The following UBE2H variants were observed in gnomAD, a reference collection of about 807,000 sequenced individuals.
UBE2H encodes ubiquitin conjugating enzyme E2 H.
A neutral mutation model predicts 29.0 loss-of-function variants in UBE2H; 3 were observed. The ratio of observed to expected loss-of-function variants is 0.10; its 90% CI spans 0.05 to 0.27. UBE2H has a LOEUF of 0.27. Among genes scored for constraint, UBE2H ranks in the 10% least tolerant of loss-of-function variants. UBE2H has a pLI of 1.00. For missense variants in UBE2H, 68 were observed against 228.2 expected (o/e 0.30, Z 4.52); for synonymous variants, 69 against 82.9 (o/e 0.83, Z 0.91).
In UBE2H at chr7:129,917,989, TG is replaced by T. The variant is rs1302931428; in HGVS notation, c.53+34513del. ...AATAAGTGCTTACTATTCCATGCTA[TG>T]GTTCACATCTATTCTTTTAAGGCAC... On this transcript the variant is annotated intron_variant, in intron 1 of 6. Coordinates refer to ENST00000355621, the MANE Select transcript of UBE2H (RefSeq NM_003344.4). 1.3e-5 allele frequency among the ~76,000 whole-genome samples: 2 copies of T among 152,312 alleles called. 1 individual carries two copies. Among genetic ancestry groups the T allele is most frequent in the Non-Finnish European group, 2.9e-5 (2 of 68,032 alleles).
intron 1 of UBE2H, among the ~76,000 whole-genome samples, chr7:129,935,392 G>A (rs149936994): frequency 0.063 from 9,167 of 145,710 alleles, 359 homozygotes; most frequent in Non-Finnish European, 0.092. Flanking sequence ...CAGCCTGGGC[G>A]ACAGAGCGAG....
At chr7:129,948,963 T>C (rs778595992) in intron 1 of UBE2H, 13 of 456,694 alleles carry the variant, frequency 2.8e-5, no homozygotes, top group Non-Finnish European at 4.8e-5. Flanking sequence ...ACATACTCCA[T>C]CAGCTGTTTG....
chr7:129,846,740 T>C (rs1805518289), intron 5 of UBE2H, among the ~76,000 whole-genome samples: 1 of 152,152 alleles, frequency 6.6e-6, no homozygotes, highest in Non-Finnish European at 1.5e-5. Context: ...TACTGAAAAA[T>C]ACATGCTGTA....
At chr7:129,854,060 G>GGTTTTTTTTTTTTTTTTT (rs1554430936) in intron 5 of UBE2H, among the ~76,000 whole-genome samples, 3 of 100,310 alleles carry the variant, frequency 3.0e-5, no homozygotes, top group Non-Finnish European at 4.0e-5. Flanking sequence ...TTTAGTGTTA[G>GGTTTTTTTTTTTTTTTTT]TTTTTTTTTT....
At chr7:129,904,582 G>A (rs544818262) in intron 1 of UBE2H, among the ~76,000 whole-genome samples, 2 of 152,112 alleles carry the variant, frequency 1.3e-5, no homozygotes, top group Non-Finnish European at 2.9e-5. Flanking sequence ...CCCTCACCTC[G>A]AACGAAATTC....
At chr7:129,950,514 G>C (rs1427671412) in intron 1 of UBE2H, among the ~76,000 whole-genome samples, 1 of 151,606 alleles carries the variant, frequency 6.6e-6, no homozygotes, top group East Asian at 1.9e-4. Context: ...ATGAACAAAA[G>C]GCACTGTATG....
intron 1 of UBE2H, among the ~76,000 whole-genome samples, chr7:129,944,342 GA>G (rs1206887473): frequency 2.6e-5 from 4 of 151,782 alleles, no homozygotes; most frequent in African/African-American, 7.2e-5. Flanking sequence ...GCGACAGAGC[GA>G]AGACTCCGTC....
chr7:129,880,658 G>A (rs1806235043), intron 2 of UBE2H, among the ~76,000 whole-genome samples: 1 of 152,042 alleles, frequency 6.6e-6, no homozygotes, highest in South Asian at 2.1e-4. Context: ...CTTATAAAGG[G>A]ACTTGAGCAT....
intron 5 of UBE2H, among the ~76,000 whole-genome samples, chr7:129,846,346 AAAT>A (rs71175044): frequency 0.044 from 6,470 of 146,278 alleles, 215 homozygotes; most frequent in East Asian, 0.12. Context: ...GGTCTCTACA[AAAT>A]AATAATAATA....
At chr7:129,911,988 T>C (rs1297285840) in intron 1 of UBE2H, among the ~76,000 whole-genome samples, 1 of 152,058 alleles carries the variant, frequency 6.6e-6, no homozygotes, top group African/African-American at 2.4e-5. Flanking sequence ...AAAAGATGAC[T>C]GAGAATGAAG....
chr7:129,874,611 G>A (rs1806110092), intron 3 of UBE2H, among the ~76,000 whole-genome samples: 1 of 151,988 alleles, frequency 6.6e-6, no homozygotes, highest in African/African-American at 2.4e-5. Flanking sequence ...ACCCGGCCCT[G>A]TATCTTTTAT....
chr7:129,884,485 A>G (rs143330956), intron 1 of UBE2H, among the ~76,000 whole-genome samples: 90 of 152,278 alleles, frequency 5.9e-4, no homozygotes, highest in African/African-American at 2.0e-3. Flanking sequence ...GTTTACAAAA[A>G]TAAGTGTTTC....
intron 1 of UBE2H, among the ~76,000 whole-genome samples, chr7:129,903,129 C>G (rs1034599162): frequency 2.6e-5 from 4 of 152,272 alleles, no homozygotes; most frequent in Non-Finnish European, 2.9e-5. Flanking sequence ...AGGAAAGAAG[C>G]CTTGCACCTA....
At chr7:129,846,493 C>T (rs1401037218) in intron 5 of UBE2H, among the ~76,000 whole-genome samples, 2 of 151,726 alleles carry the variant, frequency 1.3e-5, no homozygotes, top group South Asian at 4.2e-4. Flanking sequence ...GTGGATGGGT[C>T]GAGGCTGCAG....
At chr7:129,915,132 A>G (rs986323271) in intron 1 of UBE2H, among the ~76,000 whole-genome samples, 2 of 152,192 alleles carry the variant, frequency 1.3e-5, no homozygotes, top group African/African-American at 2.4e-5. Flanking sequence ...TAACTTTCAC[A>G]GCTTTAAAGG....
At chr7:129,928,567 C>A (rs1807320523) in intron 1 of UBE2H, among the ~76,000 whole-genome samples, 1 of 152,206 alleles carries the variant, frequency 6.6e-6, no homozygotes, top group Non-Finnish European at 1.5e-5. Flanking sequence ...TGCACCAATG[C>A]ACTCCAGCCT....
intron 1 of UBE2H, among the ~76,000 whole-genome samples, chr7:129,935,414 GA>G (rs77698999): frequency 0.21 from 17,147 of 82,112 alleles, 1,093 homozygotes; most frequent in East Asian, 0.4. Context: ...CTGTCTCAAA[GA>G]AAAAAAAAAA....
At chr7:129,912,137 T>TA (rs1806950233) in intron 1 of UBE2H, among the ~76,000 whole-genome samples, 1 of 152,150 alleles carries the variant, frequency 6.6e-6, no homozygotes, top group South Asian at 2.1e-4. Flanking sequence ...TTTTTGTAAA[T>TA]AAAGTTTTAC....
intron 5 of UBE2H, among the ~76,000 whole-genome samples, chr7:129,844,067 A>C (rs1281615901): frequency 6.6e-6 from 1 of 152,218 alleles, no homozygotes; most frequent in Non-Finnish European, 1.5e-5. Flanking sequence ...TGTTCCAAAC[A>C]AATAAAAGAA....
Sources: gnomAD v4.1 joint callset for allele counts (sites outside exome capture counted in the v4.1 genomes callset) on GRCh38, gnomAD v4.1.1 for gene constraint, MANE v1.5 for transcripts, NCBI Gene and HGNC (gene_info 2026-07-23, HGNC 2026-07-21) for gene names.